ETV5: variants seen among roughly 807,000 people sequenced by gnomAD.
The protein encoded by ETV5 is ETS variant transcription factor 5, also known as ETS translocation variant 5.
A neutral mutation model predicts 70.0 loss-of-function variants in ETV5; 10 were observed. That is an observed-to-expected ratio of 0.14 (90% CI 0.09 to 0.24). The LOEUF (loss-of-function observed/expected upper bound fraction) is 0.24. Ranked by LOEUF, ETV5 falls within the 10% of genes least tolerant of loss-of-function variation. The pLI is 1.00. For missense variants in ETV5, 453 were observed against 651.2 expected (o/e 0.70, Z 3.31); for synonymous variants, 216 against 242.2 (o/e 0.89, Z 1.01).
rs558053128 is a variant in ETV5 at position 186,052,821 on chromosome 3, A to G, written c.1210-690T>C. Among the ~76,000 whole-genome samples the G allele has an allele frequency of 5.9e-5, 9 of 152,348 alleles. No individual in the cohort carries two copies. The highest frequency in any genetic ancestry group is 2.2e-4 in the African/African-American group (9 of 41,592). ...ACCTGAGGCACACTGATAGGGCAATATAATTGGAGCTCTGGGCAAAGCAGC... is the reference window on the plus strand; with the variant it reads ...ACCTGAGGCACACTGATAGGGCAATGTAATTGGAGCTCTGGGCAAAGCAGC... On this transcript the variant is annotated intron_variant, in intron 11 of 12. Transcript: ENST00000306376. The surrounding 1 kb of genome is among the most constrained non-coding windows in gnomAD (Gnocchi z 4.5).
chr3:186,106,737 C>A (rs1247404359), intron 1 of ETV5, among the ~76,000 whole-genome samples: 1 of 151,858 alleles, frequency 6.6e-6, no homozygotes, highest in East Asian at 1.9e-4. Context: ...CTAGACATAC[C>A]CCCCCACCCC....
intron 7 of ETV5, among the ~76,000 whole-genome samples, chr3:186,074,238 C>T (rs1000369256): frequency 3.1e-4 from 47 of 152,150 alleles, no homozygotes; most frequent in African/African-American, 1.0e-3. Flanking sequence ...ACAAAATGGA[C>T]AACTTCTTAG....
In ETV5 at chr3:186,081,157, G is replaced by A; in HGVS notation, c.251C>T (p.Pro84Leu). The change falls in exon 6 of 13, where the codon CCT becomes CTT. Residue 84 changes from proline (P) to leucine (L), a missense_variant. By Grantham distance (98) the Pro-to-Leu change is moderately conservative. Coordinates refer to ENST00000306376, the MANE Select transcript of ETV5 (RefSeq NM_004454.3). ...QSDNLVLHAPPPTKIKRELHS... is the reference protein window; with the variant it reads ...QSDNLVLHAPLPTKIKRELHS... Reference sequence around the variant, plus strand: ...CAGCTCCCGTTTGATCTTGGTTGGAGGTGGGGCATGAAGCACCACTGAAAT... The same window carrying A: ...CAGCTCCCGTTTGATCTTGGTTGGAAGTGGGGCATGAAGCACCACTGAAAT... 13 of 1,613,292 alleles carry A rather than the reference G, an allele frequency of 8.1e-6. No individual in the cohort carries two copies. Among genetic ancestry groups the A allele is most frequent in the Non-Finnish European group, 1.1e-5 (13 of 1,179,564 alleles).
chr3:186,095,735 C>T (rs1714287874), intron 5 of ETV5, among the ~76,000 whole-genome samples: 1 of 152,220 alleles, frequency 6.6e-6, no homozygotes, highest in African/African-American at 2.4e-5. Context: ...AAAGAGGAAA[C>T]AGAAAATGAG....
rs142782177 is a variant in ETV5, at chr3:186,088,287, C to T, written c.233-7112G>A. Among the ~76,000 whole-genome samples the T allele has an allele frequency of 3.4e-3, 519 of 152,328 alleles. 2 individuals carry two copies. The highest frequency in any genetic ancestry group is 5.7e-3 in the Non-Finnish European group (386 of 68,036). On this transcript the variant is annotated intron_variant, in intron 5 of 12. Transcript: ENST00000306376. ...AGCACTGACACGTGCTTCTGAATGG[C>T]GTGTCCATGAGGCTGCAGCTCAGGG...
In ETV5 at chr3:186,046,487, C is replaced by G. The variant is rs932754635; in HGVS notation, c.*2152G>C. ...CTGGAAAAGAAGCAAACAAACAAACCCCAAAGAACCCCCGAAAAAAACAAA... is the reference window on the plus strand; with the variant it reads ...CTGGAAAAGAAGCAAACAAACAAACGCCAAAGAACCCCCGAAAAAAACAAA... On this transcript the variant is annotated 3_prime_UTR_variant, in exon 13 of 13. Coordinates refer to ENST00000306376, the MANE Select transcript of ETV5 (RefSeq NM_004454.3). 8 of 231,372 alleles carry G rather than the reference C, an allele frequency of 3.5e-5. No homozygotes were observed. The highest frequency in any genetic ancestry group is 6.8e-5 in the Non-Finnish European group (8 of 116,968). The allele number at this position is 231,372 out of a possible 1,614,324, so 14.3% of individuals were successfully genotyped here.
intron 5 of ETV5, among the ~76,000 whole-genome samples, chr3:186,093,621 ACTGT>A (rs1351436358): frequency 2.0e-5 from 3 of 152,234 alleles, no homozygotes; most frequent in Non-Finnish European, 4.4e-5. Flanking sequence ...TTGGGAGGTT[ACTGT>A]CTAACATGTA....
Position 186,065,802 on chromosome 3 carries a change from T to C in ETV5, c.910+11A>G. 2 of 1,613,838 alleles carry C rather than the reference T, an allele frequency of 1.2e-6. No homozygotes were observed. Among genetic ancestry groups the C allele is most frequent in the Non-Finnish European group, 1.7e-6 (2 of 1,179,976 alleles). On this transcript the variant is annotated intron_variant, in intron 8 of 12. Transcript: ENST00000306376. ...AGAATGAAGCAAAGAATAGCACAAT[T>C]TGATGCTGACCTGAATCGACGCAGT...
At chr3:186,065,078 G>T (rs1413386449) in intron 8 of ETV5, among the ~76,000 whole-genome samples, 1 of 152,160 alleles carries the variant, frequency 6.6e-6, no homozygotes, top group Non-Finnish European at 1.5e-5. Context: ...ACACTCAAGT[G>T]ATCTCTTCTT....
chr3:186,094,425 C>T (rs1054527317), intron 5 of ETV5, among the ~76,000 whole-genome samples: 9 of 152,026 alleles, frequency 5.9e-5, no homozygotes, highest in African/African-American at 9.7e-5. Context: ...AACTGAATGC[C>T]AATGGTAGTA....
At chr3:186,098,798 TC>T (rs1714376168) in intron 5 of ETV5, among the ~76,000 whole-genome samples, 1 of 152,198 alleles carries the variant, frequency 6.6e-6, no homozygotes, top group South Asian at 2.1e-4. Context: ...CATGGTTGTT[TC>T]CTTTTTTTCA....
intron 5 of ETV5, among the ~76,000 whole-genome samples, chr3:186,100,301 T>C (rs997368209): frequency 1.3e-5 from 2 of 152,202 alleles, no homozygotes; most frequent in Non-Finnish European, 2.9e-5. Flanking sequence ...AAACCTCTTA[T>C]TTTTAAAGTG....
chr3:186,069,246 C>T (rs2150145750), intron 7 of ETV5, among the ~76,000 whole-genome samples: 1 of 152,284 alleles, frequency 6.6e-6, no homozygotes. Flanking sequence ...TCCTTTTATC[C>T]CAGACATCAA....
At position 186,052,017 on chromosome 3, in the gene ETV5, T is replaced by A; in HGVS notation, c.1311+13A>T. 1.9e-6 allele frequency: 3 copies of A among 1,612,852 alleles called. No homozygotes were observed. Among genetic ancestry groups the A allele is most frequent in the South Asian group, 1.1e-5 (1 of 91,068 alleles). On this transcript the variant is annotated intron_variant, in intron 12 of 12. Transcript: ENST00000306376. The surrounding 1 kb of genome is among the most constrained non-coding windows in gnomAD (Gnocchi z 4.5). ...AGACCAGAGTGGGCTAAGGGTCTTGTATAATGGCTCACCTTCTGCATGATG... is the reference window on the plus strand; with the variant it reads ...AGACCAGAGTGGGCTAAGGGTCTTGAATAATGGCTCACCTTCTGCATGATG...
At chr3:186,050,202 G>T (rs1422189704) in intron 12 of ETV5, among the ~76,000 whole-genome samples, 1 of 152,132 alleles carries the variant, frequency 6.6e-6, no homozygotes, top group African/African-American at 2.4e-5. Flanking sequence ...TGGGAGATTA[G>T]GTGACTTTCC....
intron 5 of ETV5, among the ~76,000 whole-genome samples, chr3:186,095,956 G>A (rs1714293553): frequency 6.6e-6 from 1 of 152,234 alleles, no homozygotes; most frequent in African/African-American, 2.4e-5. Flanking sequence ...TGTGGCCGAG[G>A]CGGGACATAA....
intron 9 of ETV5, among the ~76,000 whole-genome samples, chr3:186,061,322 T>G (rs1315396159): frequency 6.6e-6 from 1 of 152,198 alleles, no homozygotes; most frequent in Non-Finnish European, 1.5e-5. Flanking sequence ...ATCTACATTT[T>G]TAGAAGCTCC....
intron 5 of ETV5, among the ~76,000 whole-genome samples, chr3:186,085,780 G>T (rs961738500): frequency 1.3e-5 from 2 of 152,114 alleles, no homozygotes; most frequent in African/African-American, 4.8e-5. Flanking sequence ...AAAGTGCTGG[G>T]ATTACAGGCG....
chr3:186,068,952 A>T (rs553226129), intron 7 of ETV5, among the ~76,000 whole-genome samples: 2 of 152,362 alleles, frequency 1.3e-5, no homozygotes, highest in South Asian at 4.1e-4. Flanking sequence ...TTAAGGTCTT[A>T]TTCTCTACTT....
Sources: gnomAD v4.1 joint callset for allele counts (sites outside exome capture counted in the v4.1 genomes callset) on GRCh38, gnomAD v4.1.1 for gene constraint, Gnocchi (gnomAD v3.1) non-coding constraint, MANE v1.5 for transcripts, NCBI Gene and HGNC (gene_info 2026-07-23, HGNC 2026-07-21) for gene names.